Variants in SLCO1A2 observed in about 807,000 individuals in gnomAD.
SLCO1A2 encodes solute carrier organic anion transporter family member 1A2, also known as OATP-1.
SLCO1A2 carries 67 observed loss-of-function variants against 69.0 expected under a neutral mutation model. The observed-to-expected ratio is 0.97, with a 90% CI of 0.80 to 1.19. SLCO1A2 has a LOEUF of 1.19. Ranked by LOEUF, SLCO1A2 falls within the 50% of genes most tolerant of loss-of-function variation. The pLI is 0.00. For synonymous variants in SLCO1A2, 260 were observed against 265.9 expected, an observed-to-expected ratio of 0.98 and a Z score of 0.22; for missense variants, 787 against 793.7, an observed-to-expected ratio of 0.99 and a Z score of 0.10.
At chr12:21,417,390 T>C (rs982658102) in intron 1 of SLCO1A2, among the ~76,000 whole-genome samples, 2 of 150,122 alleles carry the variant, frequency 1.3e-5, no homozygotes, top group Non-Finnish European at 3.0e-5. Context: ...AAGAAAGCTA[T>C]TTTTTTAAGT....
intron 2 of SLCO1A2, among the ~76,000 whole-genome samples, chr12:21,321,124 C>T (rs1951560092): frequency 6.6e-6 from 1 of 152,172 alleles, no homozygotes; most frequent in Non-Finnish European, 1.5e-5. Flanking sequence ...TACCATCTTA[C>T]TTCGTGACTC....
At chr12:21,310,987 C>T (rs1003355792) in intron 4 of SLCO1A2, among the ~76,000 whole-genome samples, 5 of 152,216 alleles carry the variant, frequency 3.3e-5, no homozygotes, top group African/African-American at 1.2e-4. Flanking sequence ...CTACTGCTGC[C>T]TTATCACCTA....
At chr12:21,311,282 G>T (rs1435887270) in intron 4 of SLCO1A2, among the ~76,000 whole-genome samples, 1 of 152,048 alleles carries the variant, frequency 6.6e-6, no homozygotes, top group African/African-American at 2.4e-5. Context: ...TTATCTAAGA[G>T]GATTTGAGTC....
intron 12 of SLCO1A2, among the ~76,000 whole-genome samples, chr12:21,287,033 T>C (rs11045936): frequency 0.15 from 18,921 of 125,818 alleles, 1,718 homozygotes; most frequent in African/African-American, 0.27. Context: ...ACTAAAGAGC[T>C]TCTGCACAGC....
At chr12:21,390,375 G>T (rs1184636092) in intron 1 of SLCO1A2, among the ~76,000 whole-genome samples, 1 of 152,030 alleles carries the variant, frequency 6.6e-6, no homozygotes, top group Non-Finnish European at 1.5e-5. Flanking sequence ...AAAAGGAAAA[G>T]AAGGTAAACT....
intron 14 of SLCO1A2, among the ~76,000 whole-genome samples, chr12:21,270,935 C>T (rs1318845898): frequency 6.6e-6 from 1 of 151,554 alleles, no homozygotes; most frequent in African/African-American, 2.4e-5. Flanking sequence ...TTCTTATTCC[C>T]TCTATGGTAT....
At chr12:21,314,058 C>G (rs988359461) in intron 4 of SLCO1A2, among the ~76,000 whole-genome samples, 2 of 151,420 alleles carry the variant, frequency 1.3e-5, no homozygotes, top group African/African-American at 4.8e-5. Context: ...AAGCACTTGC[C>G]TCTGGAAAGC....
intron 1 of SLCO1A2, among the ~76,000 whole-genome samples, chr12:21,407,071 C>A (rs935829593): frequency 6.6e-6 from 1 of 152,018 alleles, no homozygotes; most frequent in African/African-American, 2.4e-5. Flanking sequence ...AAGGCTTTTA[C>A]GAAACAATTT....
intron 12 of SLCO1A2, among the ~76,000 whole-genome samples, chr12:21,276,141 A>T (rs1943786424): frequency 6.6e-6 from 1 of 152,182 alleles, no homozygotes. Context: ...CAGATGTGTA[A>T]GGTTTGGAAG....
At chr12:21,317,922 T>G (rs1951084142) in intron 3 of SLCO1A2, among the ~76,000 whole-genome samples, 1 of 152,134 alleles carries the variant, frequency 6.6e-6, no homozygotes, top group African/African-American at 2.4e-5. Flanking sequence ...TCAGAATCTA[T>G]GAGTAGACTT....
At position 21,274,511 on chromosome 12, in the gene SLCO1A2, C is replaced by T. The variant is rs762620337; in HGVS notation, c.1751G>A (p.Gly584Asp). 7.4e-6 allele frequency: 12 copies of T among 1,613,466 alleles called. No individual in the cohort carries two copies. The African/African-American group carries it at 8.0e-5, about 11-fold the overall frequency. Residue 584 changes from glycine to aspartate, a missense_variant, in exon 14 of 15, where the codon GGT becomes GAT. By Grantham distance (94) the Gly-to-Asp change is moderately conservative. Coordinates refer to ENST00000683939, the MANE Select transcript of SLCO1A2 (RefSeq NM_001386879.1). ...TCLHWGTLKCGESGACRIYDS... is the reference protein window; with the variant it reads ...TCLHWGTLKCDESGACRIYDS... ...ATATATCCTGCATGCCCCTGACTCA[C>T]CACATTTCAAAGTTCCCCAGTGTAA... is the stretch of plus-strand genomic sequence containing the variant.
chr12:21,344,459 C>T (rs11045987), intron 2 of SLCO1A2, among the ~76,000 whole-genome samples: 253 of 152,120 alleles, frequency 1.7e-3, no homozygotes, highest in African/African-American at 5.9e-3. Flanking sequence ...CAATAAATTA[C>T]CCCTTCTTAC....
At chr12:21,280,434 T>G (rs1370677820) in intron 12 of SLCO1A2, among the ~76,000 whole-genome samples, 4 of 152,016 alleles carry the variant, frequency 2.6e-5, no homozygotes, top group Non-Finnish European at 5.9e-5. Flanking sequence ...TAGCATTACT[T>G]ATATCAGACA....
At chr12:21,368,982 A>C (rs1939592151) in intron 2 of SLCO1A2, among the ~76,000 whole-genome samples, 1 of 151,974 alleles carries the variant, frequency 6.6e-6, no homozygotes, top group Non-Finnish European at 1.5e-5. Context: ...CAGCTAAAAT[A>C]AAGAAATGTA....
At chr12:21,372,241 TATACCTATGG>T (rs1285859261) in intron 2 of SLCO1A2, among the ~76,000 whole-genome samples, 2 of 152,198 alleles carry the variant, frequency 1.3e-5, no homozygotes, top group Admixed American at 6.5e-5. Context: ...CTTGACTACA[TATACCTATGG>T]ATCTCTATCT....
rs376847446 is a variant in SLCO1A2 at position 21,368,843 on chromosome 12, C to T, written c.-63+5556G>A. Among the ~76,000 whole-genome samples, 14 of 152,086 alleles carry T rather than the reference C, an allele frequency of 9.2e-5. No individual in the cohort carries two copies. In the East Asian group the frequency reaches 1.2e-3, roughly 13 times the overall value. ...TCAAAAAATTTATTAAACTATTTTA[C>T]GATAGTGATAGAGAAGAAAAGTGAG... is the stretch of plus-strand genomic sequence containing the variant. On this transcript the variant is annotated intron_variant, in intron 2 of 15. Coordinates refer to the SLCO1A2 transcript ENST00000307378.
chr12:21,384,725 A>G (rs1940778396), intron 1 of SLCO1A2, among the ~76,000 whole-genome samples: 1 of 152,170 alleles, frequency 6.6e-6, no homozygotes. Context: ...TATAAAAAGA[A>G]AAATTAAATA....
At chr12:21,291,964 A>C (rs1196976473) in intron 12 of SLCO1A2, among the ~76,000 whole-genome samples, 200 bp downstream of exon 12, 1 of 152,150 alleles carries the variant, frequency 6.6e-6, no homozygotes, top group East Asian at 1.9e-4. Flanking sequence ...GAGGAATAGG[A>C]GTGAAATGCC....
chr12:21,272,524 T>G (rs1295182878), intron 14 of SLCO1A2, among the ~76,000 whole-genome samples: 1 of 152,026 alleles, frequency 6.6e-6, no homozygotes, highest in Non-Finnish European at 1.5e-5. Context: ...TTAAGTAATA[T>G]CTCTGGTTAA....
Sources: gnomAD v4.1 joint callset for allele counts (sites outside exome capture counted in the v4.1 genomes callset) on GRCh38, gnomAD v4.1.1 for gene constraint, MANE v1.5 for transcripts, NCBI Gene and HGNC (gene_info 2026-07-23, HGNC 2026-07-21) for gene names.